The following FNDC3A variants were observed in gnomAD, a reference collection of about 807,000 sequenced individuals.
FNDC3A encodes the protein fibronectin type-III domain-containing protein 3A.
In FNDC3A, 32 loss-of-function variants were observed where a neutral mutation model predicts 148.9. The observed-to-expected ratio is 0.21, with a 90% CI of 0.16 to 0.29. FNDC3A has a LOEUF of 0.29. Ranked by LOEUF, FNDC3A falls within the 10% of genes least tolerant of loss-of-function variation. The pLI is 1.00. For missense variants in FNDC3A, 1,191 were observed against 1,452.8 expected (o/e 0.82, Z 2.93); for synonymous variants, 472 against 473.6 (o/e 1.00, Z 0.04).
intron 16 of FNDC3A, 74 bp from the exon 17 acceptor site, chr13:49,188,441 A>G: frequency 1.2e-6 from 1 of 815,942 alleles, no homozygotes; most frequent in Non-Finnish European, 2.1e-6. Flanking sequence ...AAGCTAGGAT[A>G]CCTGATGTGT....
At chr13:48,987,932 A>G (rs1951834865) in intron 1 of FNDC3A, 1 of 152,260 alleles carries the variant, frequency 6.6e-6, no homozygotes, top group Non-Finnish European at 1.5e-5. Context: ...GGCAGCACAT[A>G]TACTAAAATT....
At position 49,136,638 on chromosome 13, in the gene FNDC3A, C is replaced by G. The variant is rs144364575; in HGVS notation, c.760+37C>G. ...AAGTACTGAACTGTTCTCATTGATG[C>G]TATTCTCGTGATTTAACCTACTAAA... On this transcript the variant is annotated intron_variant, in intron 6 of 25. Transcript: ENST00000492622. The G allele has an allele frequency of 7.8e-5, 124 of 1,580,578 alleles. No homozygotes were observed. In the Middle Eastern group the frequency reaches 1.2e-3, roughly 15 times the overall value.
chr13:49,127,517 C>T (rs772344120), intron 4 of FNDC3A, among the ~76,000 whole-genome samples: 1 of 152,200 alleles, frequency 6.6e-6, no homozygotes, highest in Non-Finnish European at 1.5e-5. Context: ...TCTTAGTCTT[C>T]CTCTTGTTTG....
At chr13:49,072,760 A>G (rs1877784003) in intron 2 of FNDC3A, among the ~76,000 whole-genome samples, 1 of 152,170 alleles carries the variant, frequency 6.6e-6, no homozygotes, top group Admixed American at 6.5e-5. Flanking sequence ...TTGGGATTAC[A>G]GGCATGAGCC....
chr13:49,197,647 C>T, intron 20 of FNDC3A, 78 bp from the exon 21 acceptor site: 3 of 1,206,798 alleles, frequency 2.5e-6, no homozygotes, highest in Non-Finnish European at 3.5e-6. Context: ...TACATGTGCT[C>T]AGGTAAAGAG....
intron 3 of FNDC3A, among the ~76,000 whole-genome samples, chr13:49,076,646 C>G (rs1200582659): frequency 6.6e-6 from 1 of 152,034 alleles, no homozygotes; most frequent in Non-Finnish European, 1.5e-5. Context: ...GTAATGTACT[C>G]TAAACCAGCC....
At position 49,070,041 on chromosome 13, in the gene FNDC3A, G is replaced by A. The variant is rs190283599; in HGVS notation, c.100-5248G>A. ...AGTTATATAAAAACTAGGAAAAATA[G>A]GAACTAGTACTAATCCAAACCTCTG... On this transcript the variant is annotated intron_variant, in intron 2 of 25. Transcript: ENST00000492622. Among the ~76,000 whole-genome samples, 475 of 152,196 alleles carry A rather than the reference G, an allele frequency of 3.1e-3. 1 individual carries two copies. Among genetic ancestry groups the A allele is most frequent in the African/African-American group, 0.011 (462 of 41,522 alleles).
At chr13:49,071,020 G>A (rs559058084) in intron 2 of FNDC3A, among the ~76,000 whole-genome samples, 40 of 142,146 alleles carry the variant, frequency 2.8e-4, no homozygotes, top group African/African-American at 9.4e-4. Flanking sequence ...TGCCTCAGCC[G>A]CCCAAGTAGC....
At chr13:48,986,434 C>T (rs1951803191) in intron 1 of FNDC3A, among the ~76,000 whole-genome samples, 1 of 105,596 alleles carries the variant, frequency 9.5e-6, no homozygotes. Flanking sequence ...CTTGCTCTGT[C>T]GCCCAGGCTG....
intron 3 of FNDC3A, among the ~76,000 whole-genome samples, chr13:49,080,057 A>G (rs1878371324): frequency 6.6e-6 from 1 of 152,184 alleles, no homozygotes; most frequent in Non-Finnish European, 1.5e-5. Flanking sequence ...TCAGCCTCCC[A>G]AAGCACTGTG....
intron 2 of FNDC3A, among the ~76,000 whole-genome samples, chr13:49,067,820 A>G (rs1475825912): frequency 6.6e-6 from 1 of 152,152 alleles, no homozygotes; most frequent in African/African-American, 2.4e-5. Context: ...CCTATCTATG[A>G]CACCCAGGTT....
chr13:49,189,605 A>G (rs1885776895), intron 17 of FNDC3A, among the ~76,000 whole-genome samples: 1 of 152,040 alleles, frequency 6.6e-6, no homozygotes, highest in Non-Finnish European at 1.5e-5. Flanking sequence ...AAAATGAAAT[A>G]TAGGCATTTT....
intron 3 of FNDC3A, among the ~76,000 whole-genome samples, chr13:49,085,203 A>G (rs183983253): frequency 6.6e-6 from 1 of 152,126 alleles, no homozygotes; most frequent in Non-Finnish European, 1.5e-5. Context: ...TTTGCAGAGC[A>G]TTTTTTAGCA....
At chr13:48,995,100 A>G (rs1392898547) in intron 1 of FNDC3A, among the ~76,000 whole-genome samples, 3 of 152,210 alleles carry the variant, frequency 2.0e-5, no homozygotes, top group South Asian at 4.1e-4. Flanking sequence ...TAATAATAAT[A>G]TTAATAAGGT....
intron 2 of FNDC3A, among the ~76,000 whole-genome samples, chr13:49,021,977 G>C (rs539580104): frequency 1.3e-5 from 2 of 152,222 alleles, no homozygotes; most frequent in South Asian, 4.1e-4. Context: ...TCATATGACT[G>C]TATATATAGA....
intron 3 of FNDC3A, among the ~76,000 whole-genome samples, chr13:49,083,859 A>G (rs1289766645): frequency 2.0e-5 from 3 of 152,218 alleles, no homozygotes; most frequent in African/African-American, 7.2e-5. Context: ...CAGCATAGAA[A>G]GATAATTGTG....
chr13:49,107,711 G>C (rs1880287090), intron 3 of FNDC3A, among the ~76,000 whole-genome samples: 1 of 152,186 alleles, frequency 6.6e-6, no homozygotes, highest in African/African-American at 2.4e-5. Context: ...AGTCAGGTTG[G>C]GGAGGGCTCT....
chr13:49,145,967 G>A (rs1478066239), intron 8 of FNDC3A, 32 bp downstream of exon 8: 1 of 1,537,130 alleles, frequency 6.5e-7, no homozygotes, highest in Non-Finnish European at 8.9e-7. Context: ...TTCTCCCATT[G>A]TGTAAATTAA....
intron 8 of FNDC3A, among the ~76,000 whole-genome samples, chr13:49,165,417 G>A (rs1321246229): frequency 2.0e-5 from 3 of 152,174 alleles, no homozygotes; most frequent in African/African-American, 7.2e-5. Flanking sequence ...TGTAGTCTTT[G>A]TATAACTTCT....
Sources: gnomAD v4.1 joint callset for allele counts (sites outside exome capture counted in the v4.1 genomes callset) on GRCh38, gnomAD v4.1.1 for gene constraint, MANE v1.5 for transcripts, NCBI Gene and HGNC (gene_info 2026-07-23, HGNC 2026-07-21) for gene names.